Variants in LIMD1 observed in about 807,000 individuals in gnomAD.
LIMD1 encodes LIM domain-containing protein 1.
LIMD1 carries 23 observed loss-of-function variants against 58.4 expected under a neutral mutation model. That is an observed-to-expected ratio of 0.39 (90% CI 0.28 to 0.56). LIMD1 has a LOEUF of 0.56. LIMD1 is among the 20% of genes least tolerant of loss of function. The pLI is 0.57. For synonymous variants in LIMD1, 334 were observed against 345.5 expected (o/e 0.97, Z 0.37); for missense variants, 838 against 855.5 (o/e 0.98, Z 0.25).
chr3:45,669,002 G>A (rs1337286208), intron 4 of LIMD1, among the ~76,000 whole-genome samples: 1 of 152,144 alleles, frequency 6.6e-6, no homozygotes, highest in African/African-American at 2.4e-5. Flanking sequence ...CAGCTACCTT[G>A]GAGTCAAATG....
chr3:45,668,004 G>A (rs1021966834), intron 3 of LIMD1, among the ~76,000 whole-genome samples: 2 of 152,188 alleles, frequency 1.3e-5, no homozygotes, highest in Non-Finnish European at 2.9e-5. Context: ...GAACCACTGA[G>A]ATGGGATTAA....
At chr3:45,613,619 T>C (rs1193292074) in intron 1 of LIMD1, among the ~76,000 whole-genome samples, 2 of 150,810 alleles carry the variant, frequency 1.3e-5, no homozygotes, top group Non-Finnish European at 3.0e-5. Flanking sequence ...TATGAATAAG[T>C]CTGTTAGGAT....
At position 45,668,301 on chromosome 3, in the gene LIMD1, G is replaced by A; in HGVS notation, c.1586G>A (p.Gly529Asp). Residue 529 changes from glycine (G) to aspartate (D), a missense_variant, in exon 4 of 8, where the codon GGT becomes GAT. Gly to Asp is a moderately conservative substitution (Grantham distance 94, BLOSUM62 -1). Around this residue, in one of 3 missense-constraint regions of LIMD1, gnomAD observed 174 missense variants for 197.4 expected, o/e 0.88. Coordinates refer to ENST00000273317, the MANE Select transcript of LIMD1 (RefSeq NM_014240.3). ...VFCEEDFLYS[G>D]FQQSADRCFL... is the part of the protein sequence containing the mutation. The stretch of plus-strand genomic sequence containing the variant: ...TTTCTTTTTCTTCTGCAGTACTCTG[G>A]TTTCCAGCAGTCGGCTGACAGGTGT... 6.2e-7 allele frequency: 1 copy of A among 1,612,538 alleles called. No homozygotes were observed. Among genetic ancestry groups the A allele is most frequent in the Non-Finnish European group, 8.5e-7 (1 of 1,179,102 alleles).
intron 3 of LIMD1, among the ~76,000 whole-genome samples, chr3:45,667,088 T>A (rs1697530460): frequency 6.6e-6 from 1 of 152,222 alleles, no homozygotes; most frequent in South Asian, 2.1e-4. Context: ...TCAGGTCCTA[T>A]GTGATGGCCA....
chr3:45,676,357 AG>A (rs1490157594), intron 7 of LIMD1, among the ~76,000 whole-genome samples: 1 of 149,672 alleles, frequency 6.7e-6, no homozygotes, highest in Non-Finnish European at 1.5e-5. Flanking sequence ...AAAAAAAAAA[AG>A]GGATACGTGT....
chr3:45,652,605 T>C (rs1701986548), intron 2 of LIMD1, among the ~76,000 whole-genome samples: 1 of 152,260 alleles, frequency 6.6e-6, no homozygotes, highest in Non-Finnish European at 1.5e-5. Flanking sequence ...CTTGCTTTTA[T>C]GATTTATTAG....
intron 3 of LIMD1, among the ~76,000 whole-genome samples, chr3:45,666,391 G>A (rs1209141312): frequency 2.0e-5 from 3 of 152,216 alleles, no homozygotes; most frequent in East Asian, 3.9e-4. Flanking sequence ...CCGCACACCC[G>A]CATCAAGAGG....
At position 45,595,279 on chromosome 3, in the gene LIMD1, T is replaced by A; in HGVS notation, c.400T>A (p.Ser134Thr). The change falls in exon 1 of 8, where the codon TCC becomes ACC. Residue 134 changes from serine to threonine, a missense_variant. Physicochemically the swap from Ser to Thr is moderately conservative, Grantham distance 58. This residue lies in a region of LIMD1 where 659 missense variants were observed against 639.8 expected (regional missense o/e 1.03). Transcript: ENST00000273317. ...QPPYPPQEQR[S>T]RPYLHGTRHG... ...CCCGTACCCACCGCAGGAGCAGAGA[T>A]CCAGGCCATACCTGCATGGCACGAG... The A allele has an allele frequency of 6.2e-7, 1 of 1,612,866 alleles. No individual in the cohort carries two copies. The highest frequency in any genetic ancestry group is 8.5e-7 in the Non-Finnish European group (1 of 1,179,938).
Position 45,677,178 on chromosome 3 carries a change from C to G in LIMD1, c.*119C>G. On this transcript the variant is annotated 3_prime_UTR_variant, in exon 8 of 8. Transcript: ENST00000273317. ...AAGAGGAGGGGCAGGAGGGAGAGTTCCTGTGAGCATGTGGGGGGTGCCTTT... is the reference window on the plus strand; with the variant it reads ...AAGAGGAGGGGCAGGAGGGAGAGTTGCTGTGAGCATGTGGGGGGTGCCTTT... The G allele has an allele frequency of 8.6e-7, 1 of 1,157,348 alleles. No individual in the cohort carries two copies. Among genetic ancestry groups the G allele is most frequent in the Non-Finnish European group, 1.2e-6 (1 of 810,336 alleles). The allele number at this position is 1,157,348 out of a possible 1,614,324, so 71.7% of individuals were successfully genotyped here.
At chr3:45,666,059 G>A (rs1697514246) in intron 3 of LIMD1, among the ~76,000 whole-genome samples, 1 of 152,090 alleles carries the variant, frequency 6.6e-6, no homozygotes, top group African/African-American at 2.4e-5. Flanking sequence ...CTTCTCCCAT[G>A]GACTGGAAGT....
chr3:45,662,770 G>A (rs1000092219), intron 2 of LIMD1, among the ~76,000 whole-genome samples: 1 of 152,166 alleles, frequency 6.6e-6, no homozygotes, highest in Non-Finnish European at 1.5e-5. Flanking sequence ...GCCGAGGTGG[G>A]TGGATCACCT....
chr3:45,635,492 T>C (rs1183078722), intron 1 of LIMD1, among the ~76,000 whole-genome samples: 1 of 151,964 alleles, frequency 6.6e-6, no homozygotes, highest in South Asian at 2.1e-4. Flanking sequence ...GAAGAGCACT[T>C]GCTTGCAGTC....
At chr3:45,655,100 A>G (rs1323827769) in intron 2 of LIMD1, among the ~76,000 whole-genome samples, 10 of 151,822 alleles carry the variant, frequency 6.6e-5, no homozygotes. Context: ...TTGTATTTTT[A>G]GTAGAGATGG....
chr3:45,594,778 AAC>A lies in LIMD1; in HGVS notation c.-37_-36del, dbSNP rs57091993. 3,405 of 730,064 alleles carry A rather than the reference AAC, an allele frequency of 4.7e-3. 24 individuals carry two copies. Among genetic ancestry groups the A allele is most frequent in the African/African-American group, 0.012 (454 of 37,932 alleles). 45.2% of individuals were successfully genotyped at this position (730,064 alleles called of 1,614,324 possible). ...TCGCCAGCATCTCCCCGCTGCCCTC[AAC>A]ACACACACACACACACACACACACA... On this transcript the variant is annotated 5_prime_UTR_variant, in exon 1 of 8. Coordinates refer to ENST00000273317, the MANE Select transcript of LIMD1 (RefSeq NM_014240.3).
At chr3:45,658,002 G>T (rs984630066) in intron 2 of LIMD1, among the ~76,000 whole-genome samples, 1 of 152,156 alleles carries the variant, frequency 6.6e-6, no homozygotes, top group East Asian at 1.9e-4. Context: ...TCCGTAAAAG[G>T]CATGTGACAG....
chr3:45,685,667 A>C lies in LIMD1; in HGVS notation c.*8608A>C, dbSNP rs1256668195. The C allele has an allele frequency of 3.9e-5, 6 of 152,372 alleles. No individual in the cohort carries two copies. The highest frequency in any genetic ancestry group is 1.2e-4 in the African/African-American group (5 of 41,576). The allele number at this position is 152,372 out of a possible 1,614,324, so 9.4% of individuals were successfully genotyped here. A position where few individuals can be genotyped will look rare whatever the true frequency, so the allele number is the denominator to read the frequency against. On this transcript the variant is annotated 3_prime_UTR_variant, in exon 8 of 8. Transcript: ENST00000273317. The stretch of plus-strand genomic sequence containing the variant: ...ACTCATGCGGTGTCTTCTGGGGTAC[A>C]GTGAGTCCACAGGGCAGGACGGCCT...
Position 45,668,348 on chromosome 3 carries a change from A to G in LIMD1, c.1633A>G (p.Met545Val). The change falls in exon 4 of 8, where the codon ATG (methionine) becomes GTG (valine). Residue 545 changes from methionine to valine, a missense_variant. By Grantham distance (21) the Met-to-Val change is conservative. Transcript: ENST00000273317. ...DRCFLCGHLI[M>V]DMILQALGKS... ...GTGTTTTCTTTGTGGACATCTGATC[A>G]TGGACATGGTGAGTAGGTCAGCCAA... The G allele has an allele frequency of 1.2e-6, 2 of 1,612,762 alleles. No individual in the cohort carries two copies. The highest frequency in any genetic ancestry group is 1.7e-6 in the Non-Finnish European group (2 of 1,178,960).
intron 2 of LIMD1, among the ~76,000 whole-genome samples, chr3:45,659,966 GTTTAA>G (rs1697407096): frequency 6.6e-6 from 1 of 152,148 alleles, no homozygotes; most frequent in African/African-American, 2.4e-5. Context: ...AAAAGCTTTC[GTTTAA>G]TTTGTTTCTT....
intron 7 of LIMD1, among the ~76,000 whole-genome samples, chr3:45,676,483 G>A (rs749247687): frequency 6.6e-6 from 1 of 152,086 alleles, no homozygotes; most frequent in Non-Finnish European, 1.5e-5. Flanking sequence ...GCCCTGGTGT[G>A]TGTTGTTCCC....
Sources: allele counts gnomAD v4.1 joint callset (sites outside exome capture counted in the v4.1 genomes callset), GRCh38; gene constraint gnomAD v4.1.1; regional missense constraint gnomAD v4.1.1; transcripts MANE v1.5; gene names NCBI Gene and HGNC (gene_info 2026-07-23, HGNC 2026-07-21).